The following ZBTB20 variants were observed in gnomAD, a reference collection of about 807,000 sequenced individuals.
The protein encoded by ZBTB20 is zinc finger and BTB domain-containing protein 20.
Under a neutral mutation model 56.9 loss-of-function variants are expected in ZBTB20, and 9 were observed. The observed-to-expected ratio is 0.16, with a 90% CI of 0.10 to 0.28. The LOEUF is 0.28. ZBTB20 is among the 10% of genes least tolerant of loss of function. The pLI is 1.00. For missense variants in ZBTB20, 655 were observed against 1,003.0 expected (o/e 0.65, Z 4.69); for synonymous variants, 417 against 420.7 (o/e 0.99, Z 0.11).
intron 6 of ZBTB20, among the ~76,000 whole-genome samples, chr3:114,680,602 T>C (rs1344531948): frequency 6.6e-6 from 1 of 152,246 alleles, no homozygotes; most frequent in Non-Finnish European, 1.5e-5. Context: ...CACTCAATCA[T>C]TCACTCCTGC....
chr3:114,924,898 TC>T (rs2076093432), intron 3 of ZBTB20, among the ~76,000 whole-genome samples: 1 of 151,324 alleles, frequency 6.6e-6, no homozygotes, highest in Admixed American at 6.6e-5. Context: ...CTTCAACCCC[TC>T]CTCCATTATA....
chr3:114,593,415 G>A (rs1208641912), intron 6 of ZBTB20, among the ~76,000 whole-genome samples: 5 of 142,968 alleles, frequency 3.5e-5, no homozygotes, highest in Admixed American at 7.2e-5. Context: ...ACGGAGTGTC[G>A]CTCTTGTGGC....
chr3:115,125,506 CAT>C lies in ZBTB20; in HGVS notation c.-703+21711_-703+21712del, dbSNP rs1292091430. Among the ~76,000 whole-genome samples, 32 of 152,206 alleles carry C rather than the reference CAT, an allele frequency of 2.1e-4. No homozygotes were observed. In the East Asian group the frequency reaches 6.0e-3, roughly 28 times the overall value. ...AAGACAAATACAGCATGTTCTCACT[CAT>C]GTGGGAGCTAAAACAATGAAACTCA... On this transcript the variant is annotated intron_variant, in intron 1 of 11. Coordinates refer to ENST00000675478, the MANE Select transcript of ZBTB20 (RefSeq NM_001348800.3).
intron 6 of ZBTB20, among the ~76,000 whole-genome samples, chr3:114,546,176 C>T (rs1373877212): frequency 6.6e-6 from 1 of 152,110 alleles, no homozygotes; most frequent in Non-Finnish European, 1.5e-5. Flanking sequence ...TTTTTGGAGC[C>T]AGTCAGTCTC....
At chr3:115,142,900 C>A (rs527556963) in intron 1 of ZBTB20, among the ~76,000 whole-genome samples, 18 of 152,042 alleles carry the variant, frequency 1.2e-4, no homozygotes, top group Middle Eastern at 6.8e-3. Flanking sequence ...AAACCCTCCA[C>A]GGCACAGGAT....
rs150062508 is a variant in ZBTB20 at position 115,081,052 on chromosome 3, T to C, written c.-702-9638A>G. The stretch of plus-strand genomic sequence containing the variant: ...TATCATGCAAGTACTAGAAGAAACA[T>C]TGATGAATTCCCTTACAAACTGGCA... On this transcript the variant is annotated intron_variant, in intron 1 of 11. Coordinates refer to ENST00000675478, the MANE Select transcript of ZBTB20 (RefSeq NM_001348800.3). Among the ~76,000 whole-genome samples, 149 of 152,232 alleles carry C rather than the reference T, an allele frequency of 9.8e-4. 1 individual carries two copies. The highest frequency in any genetic ancestry group is 3.5e-3 in the African/African-American group (144 of 41,552).
chr3:114,730,329 G>A (rs1459394888), intron 5 of ZBTB20, among the ~76,000 whole-genome samples: 1 of 152,100 alleles, frequency 6.6e-6, no homozygotes, highest in African/African-American at 2.4e-5. Context: ...AATGGGTTAT[G>A]GCTTCAGTAT....
chr3:114,623,295 G>C (rs751312137), intron 6 of ZBTB20, among the ~76,000 whole-genome samples: 3 of 152,136 alleles, frequency 2.0e-5, no homozygotes, highest in Non-Finnish European at 4.4e-5. Flanking sequence ...TCTCACATCA[G>C]ACAGGATGCA....
chr3:114,624,141 A>G (rs2058504090), intron 6 of ZBTB20: 1 of 152,158 alleles, frequency 6.6e-6, no homozygotes, highest in African/African-American at 2.4e-5. Flanking sequence ...TGATCCAAGG[A>G]GTGACGACTG....
At position 114,906,324 on chromosome 3, in the gene ZBTB20, A is replaced by G. The variant is rs76662104; in HGVS notation, c.-455-5982T>C. Among the ~76,000 whole-genome samples, 3,267 of 151,898 alleles carry G rather than the reference A, an allele frequency of 0.022. 222 individuals are homozygous for G. In the East Asian group the frequency reaches 0.22, roughly 10 times the overall value. ...CTGTGGAAGCCTTGATGATGTAGAAAATCTTTTATTGTAAATTCTGTTCAA... is the reference window on the plus strand; with the variant it reads ...CTGTGGAAGCCTTGATGATGTAGAAGATCTTTTATTGTAAATTCTGTTCAA... On this transcript the variant is annotated intron_variant, in intron 3 of 11. Coordinates refer to ENST00000675478, the MANE Select transcript of ZBTB20 (RefSeq NM_001348800.3).
At chr3:114,897,620 A>G (rs557062411) in intron 4 of ZBTB20, among the ~76,000 whole-genome samples, 4 of 152,244 alleles carry the variant, frequency 2.6e-5, no homozygotes, top group South Asian at 2.1e-4. Context: ...GCAAATATAT[A>G]TTCTTGGCTC....
At chr3:114,913,678 CT>C (rs1560392168) in intron 3 of ZBTB20, among the ~76,000 whole-genome samples, 1 of 150,590 alleles carries the variant, frequency 6.6e-6, no homozygotes, top group African/African-American at 2.5e-5. Flanking sequence ...GGAAAGTTTC[CT>C]CAGTGTTTTT....
chr3:114,805,812 T>G (rs973020830), intron 4 of ZBTB20, among the ~76,000 whole-genome samples: 14 of 151,870 alleles, frequency 9.2e-5, no homozygotes, highest in African/African-American at 3.4e-4. Context: ...AAATTTGCCC[T>G]TTTTGGATAT....
chr3:114,698,655 T>A (rs2063204612), intron 5 of ZBTB20, among the ~76,000 whole-genome samples: 1 of 152,098 alleles, frequency 6.6e-6, no homozygotes, highest in Non-Finnish European at 1.5e-5. Context: ...GAACTTGATT[T>A]CTCCCTCAAT....
At chr3:114,559,768 C>G (rs1193905175) in intron 6 of ZBTB20, among the ~76,000 whole-genome samples, 4 of 152,118 alleles carry the variant, frequency 2.6e-5, no homozygotes, top group Non-Finnish European at 5.9e-5. Context: ...AGCACCAACT[C>G]TGGGGAATGG....
At position 114,338,652 on chromosome 3, in the gene ZBTB20, T is replaced by G. The variant is rs747037345; in HGVS notation, c.*353A>C. The G allele has an allele frequency of 5.2e-5, 6 of 115,130 alleles. No homozygotes were observed. Among genetic ancestry groups the G allele is most frequent in the Non-Finnish European group, 1.3e-4 (6 of 47,554 alleles). The allele number at this position is 115,130 out of a possible 1,614,324, so 7.1% of individuals were successfully genotyped here. A position where few individuals can be genotyped will look rare whatever the true frequency, so the allele number is the denominator to read the frequency against. ...TTGTAGTGCTCTTCACAAGTGGAAA[T>G]TTTTTTTTTTTTTTTACTTTTTTTT... is the stretch of plus-strand genomic sequence containing the variant. On this transcript the variant is annotated 3_prime_UTR_variant, in exon 12 of 12. Transcript: ENST00000675478.
intron 4 of ZBTB20, among the ~76,000 whole-genome samples, chr3:114,842,048 T>C (rs1461369492): frequency 6.6e-6 from 1 of 152,202 alleles, no homozygotes; most frequent in Non-Finnish European, 1.5e-5. Flanking sequence ...CTCTTCTCTC[T>C]TTTGACTCTC....
intron 6 of ZBTB20, among the ~76,000 whole-genome samples, chr3:114,564,801 T>G (rs1464480705): frequency 6.6e-6 from 1 of 152,222 alleles, no homozygotes; most frequent in Non-Finnish European, 1.5e-5. Context: ...ACATCTTTCT[T>G]GTGCTCTTCC....
At chr3:114,487,583 A>G (rs543153916) in intron 7 of ZBTB20, among the ~76,000 whole-genome samples, 1 of 152,328 alleles carries the variant, frequency 6.6e-6, no homozygotes, top group African/African-American at 2.4e-5. Flanking sequence ...GGAATGCTCC[A>G]ATTACCACCC....
Sources: allele counts gnomAD v4.1 joint callset (sites outside exome capture counted in the v4.1 genomes callset), GRCh38; gene constraint gnomAD v4.1.1; transcripts MANE v1.5; gene names NCBI Gene and HGNC (gene_info 2026-07-23, HGNC 2026-07-21).